The following SPTAN1 variants were observed in gnomAD, a reference collection of about 807,000 sequenced individuals.
SPTAN1 encodes spectrin alpha chain, non-erythrocytic 1.
SPTAN1 carries 61 observed loss-of-function variants against 331.3 expected under a neutral mutation model. The observed-to-expected ratio is 0.18, with a 90% CI of 0.15 to 0.23. The LOEUF (loss-of-function observed/expected upper bound fraction) is 0.23, where lower values mean the gene tolerates loss of function less well. SPTAN1 is among the 10% of genes least tolerant of loss of function. SPTAN1 has a pLI of 1.00. For synonymous variants in SPTAN1, 1,153 were observed against 1,173.9 expected (o/e 0.98, Z 0.36); for missense variants, 2,043 against 3,147.9 (o/e 0.65, Z 8.40).
Position 128,584,840 on chromosome 9 carries a change from G to A in SPTAN1, c.2557G>A (p.Glu853Lys), listed in dbSNP as rs771925044. ...ACAGAAGGGGAATGCCATGGTGGAG[G>A]AAGGTGAGTGATTGGTATCAGTGAC... ...VTQKGNAMVE[E>K]GHFAAEDVKA... is the part of the protein sequence containing the mutation. The change falls in exon 18 of 57, where the codon GAA (glutamate) becomes AAA (lysine). Residue 853 changes from glutamate to lysine, a missense_variant. Physicochemically the swap from Glu to Lys is moderately conservative, Grantham distance 56. This residue lies in a region of SPTAN1 where 1,038 missense variants were observed against 1,531.5 expected (regional missense o/e 0.68). Transcript: ENST00000372739. 1.4e-5 allele frequency: 22 copies of A among 1,614,078 alleles called. No homozygotes were observed. The highest frequency in any genetic ancestry group is 1.6e-4 in the Middle Eastern group (1 of 6,084).
chr9:128,597,938 CG>C (rs1754109336), intron 24 of SPTAN1, among the ~76,000 whole-genome samples: 1 of 151,632 alleles, frequency 6.6e-6, no homozygotes, highest in Non-Finnish European at 1.5e-5. Context: ...CGTGAGCCAC[CG>C]CACCCGGCCT....
chr9:128,593,275 G>A (rs549235701), intron 23 of SPTAN1: 2 of 597,376 alleles, frequency 3.3e-6, no homozygotes, highest in South Asian at 3.6e-5. Context: ...TGTTCAGAGT[G>A]GTGTTGGTTC....
chr9:128,562,210 C>T (rs901470155), intron 1 of SPTAN1, among the ~76,000 whole-genome samples: 2 of 152,130 alleles, frequency 1.3e-5, no homozygotes, highest in Non-Finnish European at 2.9e-5. Context: ...TCAAGCGATT[C>T]TTCTGCCTCA....
At position 128,583,973 on chromosome 9, in the gene SPTAN1, G is replaced by C. The variant is rs988247379; in HGVS notation, c.2193+4G>C. On this transcript the variant is annotated splice_donor_region_variant and intron_variant, in intron 16 of 56. Coordinates refer to ENST00000372739, the MANE Select transcript of SPTAN1 (RefSeq NM_001130438.3). ...GGCAGATGTGGCTGCTCACCAGGTA[G>C]TGTGAACTGGGGGCTGTGGTTGGGC... 1 of 1,614,094 alleles carries C rather than the reference G, an allele frequency of 6.2e-7. No individual in the cohort carries two copies. The highest frequency in any genetic ancestry group is 8.5e-7 in the Non-Finnish European group (1 of 1,179,960).
rs760401725 is a variant in SPTAN1, at chr9:128,588,981, T to A, written c.3006+38T>A. 2.7e-4 allele frequency: 434 copies of A among 1,611,600 alleles called. 1 individual carries two copies. Among genetic ancestry groups the A allele is most frequent in the Non-Finnish European group, 3.7e-4 (432 of 1,179,336 alleles). On this transcript the variant is annotated intron_variant, in intron 21 of 56. Coordinates refer to ENST00000372739, the MANE Select transcript of SPTAN1 (RefSeq NM_001130438.3). ...GAGTGGCTGTGTGTTTGTTCCACGC[T>A]GGCACCTCCACGTATGCTCAGTTGG...
At chr9:128,574,905 A>C (rs1372555436) in intron 4 of SPTAN1, 90 bp downstream of exon 4, 1 of 1,584,982 alleles carries the variant, frequency 6.3e-7, no homozygotes, top group Non-Finnish European at 8.6e-7. Context: ...CAGTGTTAGC[A>C]CAGATACGGC....
chr9:128,627,992 G>A lies in SPTAN1; in HGVS notation c.6707+50G>A. 1 of 1,612,974 alleles carries A rather than the reference G, an allele frequency of 6.2e-7. No individual in the cohort carries two copies. Among genetic ancestry groups the A allele is most frequent in the Non-Finnish European group, 8.5e-7 (1 of 1,178,992 alleles). On this transcript the variant is annotated intron_variant, in intron 51 of 56. Coordinates refer to ENST00000372739, the MANE Select transcript of SPTAN1 (RefSeq NM_001130438.3). This position sits in a 1 kb window ranked among gnomAD's most constrained non-coding sequence, Gnocchi z 4.9. ...TGGGCTTGTCATGTGGGGGTCTCGT[G>A]CGCTTGCCCCTCGTGGCCTGGCTTG...
intron 45 of SPTAN1, among the ~76,000 whole-genome samples, chr9:128,622,257 TGA>T (rs2131870256): frequency 6.6e-6 from 1 of 150,654 alleles, no homozygotes; most frequent in East Asian, 2.0e-4. Context: ...ATCACCAGTG[TGA>T]GTGTCCTTCA....
At chr9:128,603,058 G>A (rs1855381230) in intron 27 of SPTAN1, among the ~76,000 whole-genome samples, 1 of 152,194 alleles carries the variant, frequency 6.6e-6, no homozygotes, top group Non-Finnish European at 1.5e-5. Flanking sequence ...CTCTGGTAAA[G>A]CCGTTGCCCT....
chr9:128,604,403 A>G lies in SPTAN1; in HGVS notation c.3705A>G (p.Val1235=), dbSNP rs1855556737. 5 of 1,613,586 alleles carry G rather than the reference A, an allele frequency of 3.1e-6. No homozygotes were observed. ...RSQLLGSAHE[V]QRFHRDADET... The stretch of plus-strand genomic sequence containing the variant: ...AGCTCTTGGGCAGCGCCCATGAAGT[A>G]CAGAGGTTCCACAGGTGAGGGGTCA... Residue 1235 remains valine, a synonymous_variant, in exon 29 of 57, where the codon GTA becomes GTG. Transcript: ENST00000372739.
intron 5 of SPTAN1, 128 bp downstream of exon 5, chr9:128,575,473 A>G (rs1466600309): frequency 6.7e-6 from 7 of 1,050,132 alleles, no homozygotes; most frequent in East Asian, 2.6e-5. Flanking sequence ...CATGTCTGAG[A>G]GTTTTGTTTA....
At chr9:128,554,774 T>TG (rs1353199717) in intron 1 of SPTAN1, among the ~76,000 whole-genome samples, 16 of 152,244 alleles carry the variant, frequency 1.1e-4, no homozygotes, top group African/African-American at 3.9e-4. Context: ...AGCTCATCAC[T>TG]GGGGGCCACT....
rs1193632759 is a variant in SPTAN1 at position 128,605,410 on chromosome 9, C to T, written c.3979C>T (p.Arg1327Cys). ...CCAGGCCTGGAGCAGCCTGGGGAAA[C>T]GTGCAGATCAGCGCAAGGCAAAGTT... The part of the protein sequence containing the change: ...LNQAWSSLGK[R>C]ADQRKAKLGD... The change falls in exon 31 of 57, where the codon CGT (arginine) becomes TGT (cysteine). Residue 1327 changes from arginine to cysteine, a missense_variant. Transcript: ENST00000372739. The T allele has an allele frequency of 3.1e-6, 5 of 1,614,184 alleles. No individual in the cohort carries two copies. Among genetic ancestry groups the T allele is most frequent in the Non-Finnish European group, 2.5e-6 (3 of 1,180,046 alleles).
intron 44 of SPTAN1, 132 bp from the exon 45 acceptor site, chr9:128,621,026 C>A: frequency 1.3e-6 from 1 of 762,648 alleles, no homozygotes; most frequent in Non-Finnish European, 2.4e-6. Context: ...TCTTTATTAT[C>A]CTCTTCCCCA....
intron 21 of SPTAN1, among the ~76,000 whole-genome samples, chr9:128,590,793 A>G (rs572024054): frequency 1.3e-4 from 20 of 152,012 alleles, no homozygotes; most frequent in African/African-American, 3.9e-4. Flanking sequence ...AGAGGTTGCA[A>G]TGAGCCAAGA....
At chr9:128,628,551 GGGCTGTCCCGCCCA>G (rs1859157872) in intron 51 of SPTAN1, 3 of 243,800 alleles carry the variant, frequency 1.2e-5, no homozygotes, top group Admixed American at 5.1e-5. Flanking sequence ...GAGCAGGGCT[GGGCTGTCCCGCCCA>G]GTCCCGGCAG....
In SPTAN1 at chr9:128,603,584, C is replaced by T. The variant is rs1236510782; in HGVS notation, c.3621C>T (p.Ser1207=). 1 of 1,614,220 alleles carries T rather than the reference C, an allele frequency of 6.2e-7. No individual in the cohort carries two copies. The highest frequency in any genetic ancestry group is 2.2e-5 in the East Asian group (1 of 44,892). The change falls in exon 28 of 57, where the codon TCC becomes TCT. Residue 1207 remains serine (S), a synonymous_variant. Transcript: ENST00000372739. ...LMVHTVATFN[S]IKELNERWRS... is the part of the protein sequence containing the mutation. Reference sequence around the variant, plus strand: ...TTCACACCGTGGCCACCTTTAATTCCATCAAGGTAAGAAGCAGTGACCAGC... The same window carrying T: ...TTCACACCGTGGCCACCTTTAATTCTATCAAGGTAAGAAGCAGTGACCAGC...
intron 36 of SPTAN1, 120 bp from the exon 37 acceptor site, chr9:128,609,531 A>G (rs1447768595): frequency 2.0e-6 from 2 of 979,760 alleles, no homozygotes; most frequent in Non-Finnish European, 1.5e-6. Context: ...CCCTTCTATT[A>G]CTGTTCCCAA....
intron 11 of SPTAN1, 58 bp downstream of exon 11, chr9:128,581,117 C>T: frequency 1.2e-6 from 2 of 1,609,558 alleles, no homozygotes; most frequent in East Asian, 2.2e-5. Context: ...TGTTTTGCCT[C>T]CTCGGGTAGT....
Sources: gnomAD v4.1 joint callset for allele counts (sites outside exome capture counted in the v4.1 genomes callset) on GRCh38, gnomAD v4.1.1 for gene constraint, gnomAD v4.1.1 regional missense constraint, Gnocchi (gnomAD v3.1) non-coding constraint, MANE v1.5 for transcripts, NCBI Gene and HGNC (gene_info 2026-07-23, HGNC 2026-07-21) for gene names.